DENND2A: variants seen among roughly 807,000 people sequenced by gnomAD.
DENND2A encodes DENN domain containing 2A, also known as DENN domain-containing protein 2A.
In DENND2A, 53 loss-of-function variants were observed where a neutral mutation model predicts 105.3. The ratio of observed to expected loss-of-function variants is 0.50; its 90% CI spans 0.40 to 0.63. The LOEUF (loss-of-function observed/expected upper bound fraction) is 0.63, where lower values mean the gene tolerates loss of function less well. Ranked by LOEUF, DENND2A falls within the 30% of genes least tolerant of loss-of-function variation. The probability of loss-of-function intolerance (pLI) is 0.00; values close to 1 mark genes in which losing one functional copy is unlikely to be tolerated. For missense variants in DENND2A, 1,138 were observed against 1,279.6 expected (o/e 0.89, Z 1.69); for synonymous variants, 522 against 508.4 (o/e 1.03, Z -0.36).
At chr7:140,549,673 A>G (rs1032508287) in intron 12 of DENND2A, among the ~76,000 whole-genome samples, 1 of 152,244 alleles carries the variant, frequency 6.6e-6, no homozygotes, top group Non-Finnish European at 1.5e-5. Context: ...TTAAAATTAA[A>G]AAGACAGTAT....
intron 1 of DENND2A, among the ~76,000 whole-genome samples, chr7:140,627,434 C>T (rs373484573): frequency 2.0e-5 from 3 of 152,002 alleles, no homozygotes; most frequent in Admixed American, 6.6e-5. Flanking sequence ...AGGCTGGTCT[C>T]GAACTCCTGC....
intron 9 of DENND2A, among the ~76,000 whole-genome samples, chr7:140,563,799 C>T (rs1797728713): frequency 6.6e-6 from 1 of 151,268 alleles, no homozygotes; most frequent in African/African-American, 2.4e-5. Context: ...CAGAGGAAGA[C>T]CTCGTCTCTA....
chr7:140,578,614 C>A (rs1053656026), intron 5 of DENND2A, among the ~76,000 whole-genome samples: 1 of 152,236 alleles, frequency 6.6e-6, no homozygotes, highest in African/African-American at 2.4e-5. Flanking sequence ...GGTGCAGTGG[C>A]TCACGCCTGT....
intron 1 of DENND2A, among the ~76,000 whole-genome samples, chr7:140,639,173 G>A (rs1003861347): frequency 1.3e-5 from 2 of 152,120 alleles, no homozygotes; most frequent in East Asian, 3.9e-4. Context: ...CCAACATGGT[G>A]AAACCCCGTC....
At chr7:140,631,902 C>T (rs1359822844) in intron 1 of DENND2A, among the ~76,000 whole-genome samples, 1 of 152,104 alleles carries the variant, frequency 6.6e-6, no homozygotes, top group African/African-American at 2.4e-5. Context: ...CGGTCACCAC[C>T]CCGACCAAAT....
chr7:140,538,829 C>A (rs556757454), intron 14 of DENND2A, among the ~76,000 whole-genome samples: 1 of 150,776 alleles, frequency 6.6e-6, no homozygotes, highest in South Asian at 2.1e-4. Flanking sequence ...TTTTTTCTTT[C>A]TTTATTTTTT....
intron 1 of DENND2A, among the ~76,000 whole-genome samples, chr7:140,615,418 C>G (rs549475225): frequency 6.6e-6 from 1 of 152,262 alleles, no homozygotes; most frequent in African/African-American, 2.4e-5. Flanking sequence ...ACTGTGCCTG[C>G]ACAAAAGCAC....
chr7:140,618,785 G>A (rs1227419466), intron 1 of DENND2A, among the ~76,000 whole-genome samples: 1 of 151,812 alleles, frequency 6.6e-6, no homozygotes, highest in Admixed American at 6.6e-5. Context: ...TTTTACGGTT[G>A]TATGATTATA....
At chr7:140,568,459 T>A (rs1189903286) in intron 8 of DENND2A, among the ~76,000 whole-genome samples, 2 of 152,176 alleles carry the variant, frequency 1.3e-5, no homozygotes, top group Admixed American at 6.5e-5. Flanking sequence ...CTCTGGAGGC[T>A]TAGGGCTGCA....
intron 9 of DENND2A, among the ~76,000 whole-genome samples, chr7:140,563,676 T>TAAAAAAAAA: frequency 3.4e-5 from 1 of 29,210 alleles, no homozygotes; most frequent in Non-Finnish European, 5.7e-5. Flanking sequence ...ACCATTGCAT[T>TAAAAAAAAA]AAAAAAAAAA....
intron 3 of DENND2A, among the ~76,000 whole-genome samples, chr7:140,594,109 T>C (rs925295586): frequency 1.3e-5 from 2 of 152,232 alleles, no homozygotes; most frequent in African/African-American, 2.4e-5. Flanking sequence ...GGTTTCACCA[T>C]GTAGGCCAGG....
At chr7:140,624,595 C>T (rs1009175501) in intron 1 of DENND2A, among the ~76,000 whole-genome samples, 2 of 152,166 alleles carry the variant, frequency 1.3e-5, no homozygotes, top group African/African-American at 2.4e-5. Context: ...TTCACCTCCT[C>T]ACCCTCCTTT....
chr7:140,555,443 G>C (rs528864920), intron 12 of DENND2A, among the ~76,000 whole-genome samples, 193 bp downstream of exon 12: 2 of 151,952 alleles, frequency 1.3e-5, no homozygotes, highest in South Asian at 4.1e-4. Flanking sequence ...CACCACACCG[G>C]GCCTATCAAC....
chr7:140,565,909 A>C (rs1797816942), intron 9 of DENND2A, among the ~76,000 whole-genome samples: 1 of 152,222 alleles, frequency 6.6e-6, no homozygotes, highest in Non-Finnish European at 1.5e-5. Context: ...CACCAGCATC[A>C]TGACAGTTTA....
At chr7:140,635,112 A>G (rs1278992211) in intron 1 of DENND2A, among the ~76,000 whole-genome samples, 3 of 151,744 alleles carry the variant, frequency 2.0e-5, no homozygotes, top group African/African-American at 7.3e-5. Flanking sequence ...AAAATACAAA[A>G]ATTAGCTAGG....
chr7:140,603,996 TA>T (rs1799608547), intron 2 of DENND2A, among the ~76,000 whole-genome samples: 1 of 152,256 alleles, frequency 6.6e-6, no homozygotes, highest in Non-Finnish European at 1.5e-5. Context: ...AAAACATTTT[TA>T]AATTAGTCTA....
intron 11 of DENND2A, among the ~76,000 whole-genome samples, chr7:140,557,728 T>C (rs12056092): frequency 0.5 from 71,062 of 143,512 alleles, 18,900 homozygotes; most frequent in East Asian, 0.83. Context: ...TTAGTAGAGA[T>C]GGGGTTTCAC....
chr7:140,598,320 C>G (rs1799358808), intron 3 of DENND2A, among the ~76,000 whole-genome samples: 1 of 152,148 alleles, frequency 6.6e-6, no homozygotes, highest in Non-Finnish European at 1.5e-5. Context: ...TAAATGGACA[C>G]TAACTTGATA....
At chr7:140,545,226 C>T (rs1000278757) in intron 13 of DENND2A, among the ~76,000 whole-genome samples, 2 of 152,174 alleles carry the variant, frequency 1.3e-5, no homozygotes, top group Non-Finnish European at 2.9e-5. Context: ...TAGCATGGAA[C>T]GCCCAGCAGG....
Sources: allele counts gnomAD v4.1 joint callset (sites outside exome capture counted in the v4.1 genomes callset), GRCh38; gene constraint gnomAD v4.1.1; transcripts MANE v1.5; gene names NCBI Gene and HGNC (gene_info 2026-07-23, HGNC 2026-07-21).